Variants in TRPM4 observed in about 807,000 individuals in gnomAD.
TRPM4 encodes calcium-activated non-selective cation channel 1.
A neutral mutation model predicts 135.6 loss-of-function variants in TRPM4; 124 were observed. That is an observed-to-expected ratio of 0.91 (90% confidence interval 0.79 to 1.06). The LOEUF is 1.06. TRPM4 is among the 50% of genes least tolerant of loss of function. TRPM4 has a pLI of 0.00. For missense variants in TRPM4, 1,658 were observed against 1,671.4 expected (o/e 0.99, Z 0.14); for synonymous variants, 745 against 705.6 (o/e 1.06, Z -0.88).
At chr19:49,165,919 T>C in intron 2 of TRPM4, 122 bp from the exon 3 acceptor site, 1 of 1,034,934 alleles carries the variant, frequency 9.7e-7, no homozygotes, top group Non-Finnish European at 1.4e-6. Flanking sequence ...GCGTGGACTC[T>C]GCCTGCCTCT....
rs372517155 is a variant in TRPM4 at position 49,211,141 on chromosome 19, C to G, written c.3535-23C>G. 2.4e-4 allele frequency: 389 copies of G among 1,609,454 alleles called. 1 individual carries two copies. The African/African-American group carries it at 4.5e-3, about 18-fold the overall frequency. On this transcript the variant is annotated intron_variant, in intron 23 of 24. Coordinates refer to ENST00000252826, the MANE Select transcript of TRPM4 (RefSeq NM_017636.4). This position sits in a 1 kb window ranked among gnomAD's most constrained non-coding sequence, Gnocchi z 4.8. Reference sequence around the variant, plus strand: ...TGTGGCAGGGGTCCCATCTCCCGCTCTGACATTCCTCCCATTCCGCAGGTC... The same window carrying G: ...TGTGGCAGGGGTCCCATCTCCCGCTGTGACATTCCTCCCATTCCGCAGGTC...
intron 2 of TRPM4, among the ~76,000 whole-genome samples, chr19:49,160,952 G>C (rs1234862732): frequency 6.6e-6 from 1 of 152,072 alleles, no homozygotes; most frequent in Non-Finnish European, 1.5e-5. Context: ...TCGGTGGATG[G>C]CTCCGGGACG....
Position 49,182,924 on chromosome 19 carries a change from T to C in TRPM4, c.1608+2T>C. The C allele has an allele frequency of 6.3e-7, 1 of 1,589,060 alleles. No homozygotes were observed. The highest frequency in any genetic ancestry group is 8.6e-7 in the Non-Finnish European group (1 of 1,167,900). On this transcript the variant is annotated splice_donor_variant, in intron 11 of 24. Transcript: ENST00000252826. LOFTEE classifies it high-confidence loss of function. ...CCAGGCCAGGGCTTCGGGGAGAGCG[T>C]AAGGACCGGGCAAAGCTGGGGGGCC... is the stretch of plus-strand genomic sequence containing the variant.
In TRPM4 at chr19:49,181,451, T is replaced by C. The variant is rs568325684; in HGVS notation, c.1253T>C (p.Ile418Thr). 6.2e-7 allele frequency: 1 copy of C among 1,612,004 alleles called. No individual in the cohort carries two copies. The highest frequency in any genetic ancestry group is 1.1e-5 in the South Asian group (1 of 91,002). The change falls in exon 10 of 25, where the codon ATC (isoleucine) becomes ACC (threonine). Residue 418 changes from isoleucine to threonine, a missense_variant. By Grantham distance (89) the Ile-to-Thr change is moderately conservative. Transcript: ENST00000252826. ...IAQSELFRGD[I>T]QWRSFHLEAS... ...CAGAGTGAACTCTTTCGGGGGGACA[T>C]CCAATGGCGGGTGAGGGGTCAGGGC...
chr19:49,179,116 C>T (rs542722620), intron 9 of TRPM4, among the ~76,000 whole-genome samples: 33 of 151,848 alleles, frequency 2.2e-4, no homozygotes, highest in African/African-American at 3.4e-4. Flanking sequence ...AGTGCAATGG[C>T]GTGATCTTGG....
In TRPM4 at chr19:49,211,769, C is replaced by T. The variant is rs1345271957; in HGVS notation, c.*271C>T. 3 of 575,386 alleles carry T rather than the reference C, an allele frequency of 5.2e-6. No homozygotes were observed. Among genetic ancestry groups the T allele is most frequent in the Non-Finnish European group, 6.2e-6 (2 of 321,398 alleles). 35.6% of individuals were successfully genotyped at this position (575,386 alleles called of 1,614,324 possible). The stretch of plus-strand genomic sequence containing the variant: ...GGAGGCTGCAGGGTCCTTGGGGTAA[C>T]AGGGACCACAGACCCCTCACCACTC... On this transcript the variant is annotated 3_prime_UTR_variant, in exon 25 of 25. Transcript: ENST00000252826. This position sits in a 1 kb window ranked among gnomAD's most constrained non-coding sequence, Gnocchi z 4.8.
chr19:49,205,546 T>G (rs1444535227), intron 20 of TRPM4, among the ~76,000 whole-genome samples: 1 of 139,052 alleles, frequency 7.2e-6, no homozygotes, highest in East Asian at 2.0e-4. Context: ...TTTTTTTTTT[T>G]TTTTTTGGAG....
At chr19:49,188,319 G>A (rs1038294639) in intron 12 of TRPM4, among the ~76,000 whole-genome samples, 2 of 152,082 alleles carry the variant, frequency 1.3e-5, no homozygotes, top group Non-Finnish European at 2.9e-5. Context: ...TTTCACTTCA[G>A]CCTCCCAACG....
At chr19:49,201,410 CAGTATA>C (rs1383260714) in intron 19 of TRPM4, among the ~76,000 whole-genome samples, 1 of 152,158 alleles carries the variant, frequency 6.6e-6, no homozygotes, top group Non-Finnish European at 1.5e-5. Context: ...TTGCTTGAAC[CAGTATA>C]AGTATGTCAG....
At chr19:49,196,933 AC>A in intron 17 of TRPM4, 59 bp downstream of exon 17, 1 of 1,485,514 alleles carries the variant, frequency 6.7e-7, no homozygotes, top group African/African-American at 1.4e-5. Context: ...CTTCCTGCCC[AC>A]TCCCGGGGTC....
chr19:49,202,871 A>G (rs1158504463), intron 20 of TRPM4, among the ~76,000 whole-genome samples: 1 of 132,860 alleles, frequency 7.5e-6, no homozygotes, highest in Non-Finnish European at 1.6e-5. Flanking sequence ...AAAATTTTCC[A>G]TTTTTACTTC....
At chr19:49,164,818 A>G (rs1967112889) in intron 2 of TRPM4, among the ~76,000 whole-genome samples, 1 of 151,774 alleles carries the variant, frequency 6.6e-6, no homozygotes, top group Non-Finnish European at 1.5e-5. Flanking sequence ...GCATCACTGC[A>G]GCCTTGATCT....
At chr19:49,207,636 CAAAAA>C (rs34758808) in intron 20 of TRPM4, among the ~76,000 whole-genome samples, 35 of 39,020 alleles carry the variant, frequency 9.0e-4, no homozygotes, top group African/African-American at 2.7e-3. Context: ...AACCTTGTCT[CAAAAA>C]AAAAAAAAAA....
Position 49,171,677 on chromosome 19 carries a change from G to T in TRPM4, c.958G>T (p.Ala320Ser). ...GGCGGAGACCCTGGAAGACACTCTG[G>T]CCCCAGGGAGTGGGGGAGCCAGGCA... The part of the protein sequence containing the change: ...CLAETLEDTL[A>S]PGSGGARQGE... Residue 320 changes from alanine (A) to serine (S), a missense_variant, in exon 8 of 25, where the codon GCC (alanine) becomes TCC (serine). Physicochemically the swap from Ala to Ser is moderately conservative, Grantham distance 99 (BLOSUM62 1). Coordinates refer to ENST00000252826, the MANE Select transcript of TRPM4 (RefSeq NM_017636.4). This position sits in a 1 kb window ranked among gnomAD's most constrained non-coding sequence, Gnocchi z 4.7. The T allele has an allele frequency of 1.2e-6, 2 of 1,613,624 alleles. No individual in the cohort carries two copies. The highest frequency in any genetic ancestry group is 1.1e-5 in the South Asian group (1 of 90,840).
Position 49,196,665 on chromosome 19 carries a change from C to T in TRPM4, c.2436C>T (p.Ser812=), listed in dbSNP as rs866940489. ...LVDFQPAPPG[S]LELLLYFWAF... ...ATTTCCAGCCGGCGCCGCCCGGCTC[C>T]CTGGAGCTGCTGCTCTATTTCTGGG... is the stretch of plus-strand genomic sequence containing the variant. The change falls in exon 17 of 25, where the codon TCC becomes TCT. Residue 812 remains serine (S), a synonymous_variant. Coordinates refer to ENST00000252826, the MANE Select transcript of TRPM4 (RefSeq NM_017636.4). The T allele has an allele frequency of 2.6e-6, 4 of 1,547,068 alleles. No individual in the cohort carries two copies. Among genetic ancestry groups the T allele is most frequent in the African/African-American group, 2.7e-5 (2 of 73,456 alleles).
At chr19:49,176,870 G>C (rs934285297) in intron 9 of TRPM4, among the ~76,000 whole-genome samples, 5 of 152,032 alleles carry the variant, frequency 3.3e-5, no homozygotes, top group Admixed American at 3.3e-4. Context: ...CAATCAAAAA[G>C]AAACAAACCA....
intron 6 of TRPM4, among the ~76,000 whole-genome samples, chr19:49,170,552 T>G (rs1269743912): frequency 2.0e-5 from 3 of 152,210 alleles, no homozygotes; most frequent in Non-Finnish European, 4.4e-5. Flanking sequence ...AATTGGATTT[T>G]GGTAAATATC....
Position 49,210,644 on chromosome 19 carries a change from C to T in TRPM4, c.3329-66C>T, listed in dbSNP as rs986295309. The T allele has an allele frequency of 2.9e-5, 46 of 1,611,566 alleles. No homozygotes were observed. The highest frequency in any genetic ancestry group is 3.7e-5 in the Non-Finnish European group (44 of 1,178,716). On this transcript the variant is annotated intron_variant, in intron 21 of 24. Transcript: ENST00000252826. This position sits in a 1 kb window ranked among gnomAD's most constrained non-coding sequence, Gnocchi z 4.1. ...GATAGCGTGCGTGTTCTGAGGGTGTCGGAAGGGGCAGCTGGGATTGGGAAG... is the reference window on the plus strand; with the variant it reads ...GATAGCGTGCGTGTTCTGAGGGTGTTGGAAGGGGCAGCTGGGATTGGGAAG...
intron 12 of TRPM4, among the ~76,000 whole-genome samples, chr19:49,187,169 G>A (rs1202806752): frequency 6.6e-6 from 1 of 151,526 alleles, no homozygotes; most frequent in Non-Finnish European, 1.5e-5. Flanking sequence ...CTGAAATTTA[G>A]TGGTCTCTTC....
Sources: allele counts gnomAD v4.1 joint callset (sites outside exome capture counted in the v4.1 genomes callset), GRCh38; gene constraint gnomAD v4.1.1; non-coding constraint Gnocchi (gnomAD v3.1); transcripts MANE v1.5; gene names NCBI Gene and HGNC (gene_info 2026-07-23, HGNC 2026-07-21).